Variants in CAPZB observed in about 807,000 individuals in gnomAD.
CAPZB encodes the protein F-actin-capping protein subunit beta.
CAPZB carries 2 observed loss-of-function variants against 38.1 expected under a neutral mutation model. The ratio of observed to expected loss-of-function variants is 0.05; its 90% CI spans 0.02 to 0.17. The LOEUF (loss-of-function observed/expected upper bound fraction) is 0.17. Ranked by LOEUF, CAPZB falls within the 10% of genes least tolerant of loss-of-function variation. CAPZB has a pLI of 1.00. For synonymous variants in CAPZB, 107 were observed against 127.4 expected (o/e 0.84, Z 1.08); for missense variants, 161 against 334.2 (o/e 0.48, Z 4.04).
At chr1:19,379,184 C>T (rs947330573) in intron 3 of CAPZB, among the ~76,000 whole-genome samples, 29 of 151,698 alleles carry the variant, frequency 1.9e-4, no homozygotes, top group African/African-American at 5.6e-4. Flanking sequence ...CCACAACCTC[C>T]GCCTCCTGGG....
At chr1:19,408,749 C>G (rs2094344535) in intron 2 of CAPZB, among the ~76,000 whole-genome samples, 1 of 152,228 alleles carries the variant, frequency 6.6e-6, no homozygotes, top group Non-Finnish European at 1.5e-5. Context: ...GACCCAAAGA[C>G]CTGCAATTCC....
intron 4 of CAPZB, 128 bp downstream of exon 4, chr1:19,378,412 C>T: frequency 1.5e-6 from 1 of 653,360 alleles, no homozygotes. Context: ...AGGGAGAATG[C>T]TTGGCCGGGT....
At chr1:19,480,068 C>G (rs553991292) in intron 1 of CAPZB, among the ~76,000 whole-genome samples, 1 of 152,266 alleles carries the variant, frequency 6.6e-6, no homozygotes, top group Non-Finnish European at 1.5e-5. Context: ...GGGGGAAATG[C>G]AAGCCAGGCC....
intron 6 of CAPZB, among the ~76,000 whole-genome samples, chr1:19,349,720 C>T (rs1277147236): frequency 2.0e-5 from 3 of 152,124 alleles, no homozygotes; most frequent in South Asian, 2.1e-4. Flanking sequence ...AGAACACAGG[C>T]CCCCTCAGCC....
rs180687986 is a variant in CAPZB at position 19,463,340 on chromosome 1, G to C, written c.3+22096C>G. On this transcript the variant is annotated intron_variant, in intron 1 of 8. Transcript: ENST00000264202. ...AACTGAGCATTCTTTAACACAGTTC[G>C]GCAACCGCTGGCCAAGCCTCACTTA... Among the ~76,000 whole-genome samples, 129 of 152,194 alleles carry C rather than the reference G, an allele frequency of 8.5e-4. 1 individual carries two copies. The highest frequency in any genetic ancestry group is 1.6e-4 in the Non-Finnish European group (11 of 68,008).
intron 1 of CAPZB, among the ~76,000 whole-genome samples, chr1:19,479,197 G>A (rs762211888): frequency 2.6e-5 from 4 of 152,132 alleles, no homozygotes; most frequent in South Asian, 2.1e-4. Context: ...GTGGCAGAGC[G>A]AGACTCTGTC....
intron 1 of CAPZB, among the ~76,000 whole-genome samples, chr1:19,420,790 T>C (rs936549537): frequency 2.6e-5 from 4 of 152,122 alleles, no homozygotes; most frequent in Non-Finnish European, 4.4e-5. Context: ...ACAGTACATA[T>C]GCTGCAAATA....
At chr1:19,459,079 G>A (rs1389448979) in intron 1 of CAPZB, among the ~76,000 whole-genome samples, 1 of 152,216 alleles carries the variant, frequency 6.6e-6, no homozygotes, top group Non-Finnish European at 1.5e-5. Flanking sequence ...CCTCCCGCCT[G>A]CCTGCCCTTC....
chr1:19,424,136 C>T (rs1006844277), intron 1 of CAPZB, among the ~76,000 whole-genome samples: 2 of 152,062 alleles, frequency 1.3e-5, no homozygotes, highest in African/African-American at 4.8e-5. Context: ...TATTTAGACA[C>T]GTGTTTTAGA....
chr1:19,385,456 G>A (rs1489673955), intron 3 of CAPZB, 49 bp downstream of exon 3: 5 of 1,608,594 alleles, frequency 3.1e-6, no homozygotes, highest in East Asian at 2.2e-5. Context: ...ACCTACGGCA[G>A]CCCGCGTGTG....
chr1:19,439,824 C>T (rs1368442120), intron 1 of CAPZB, among the ~76,000 whole-genome samples: 5 of 152,110 alleles, frequency 3.3e-5, no homozygotes, highest in Admixed American at 3.3e-4. Flanking sequence ...TAGGCGCCAA[C>T]CATTTCAGAA....
At chr1:19,419,262 T>G (rs2094392135) in intron 2 of CAPZB, among the ~76,000 whole-genome samples, 1 of 152,220 alleles carries the variant, frequency 6.6e-6, no homozygotes, top group Non-Finnish European at 1.5e-5. Flanking sequence ...GGTAGACGCT[T>G]GTACTGTGTT....
At chr1:19,478,115 A>G (rs1323929210) in intron 1 of CAPZB, among the ~76,000 whole-genome samples, 3 of 152,180 alleles carry the variant, frequency 2.0e-5, no homozygotes, top group Non-Finnish European at 2.9e-5. Context: ...CCAAGCTGCA[A>G]TGTGGTAAGA....
At chr1:19,382,740 C>T (rs1192726102) in intron 3 of CAPZB, among the ~76,000 whole-genome samples, 1 of 152,278 alleles carries the variant, frequency 6.6e-6, no homozygotes, top group East Asian at 1.9e-4. Context: ...GACATGATCC[C>T]GTCCTTCCAC....
intron 3 of CAPZB, among the ~76,000 whole-genome samples, chr1:19,382,018 C>T (rs1478677297): frequency 1.3e-5 from 2 of 152,138 alleles, no homozygotes; most frequent in African/African-American, 4.8e-5. Flanking sequence ...CTTTGAGACT[C>T]TGCAGCACAC....
chr1:19,398,458 T>C (rs530056230), intron 2 of CAPZB, among the ~76,000 whole-genome samples: 1 of 152,320 alleles, frequency 6.6e-6, no homozygotes, highest in Admixed American at 6.5e-5. Flanking sequence ...TGACCTACCA[T>C]GATTCCAGTA....
chr1:19,449,115 T>A, intron 1 of CAPZB: 2 of 1,414,292 alleles, frequency 1.4e-6, no homozygotes, highest in South Asian at 3.0e-5. Flanking sequence ...AGCAGTTCCA[T>A]TGCCACAAAA....
intron 1 of CAPZB, among the ~76,000 whole-genome samples, chr1:19,433,731 T>A (rs1292909944): frequency 6.6e-6 from 1 of 152,236 alleles, no homozygotes; most frequent in East Asian, 1.9e-4. Context: ...AACACAGTGC[T>A]TATTGATCCA....
rs756441996 is a variant in CAPZB at position 19,338,963 on chromosome 1, A to AC, written c.*566dup. Reference sequence around the variant, plus strand: ...CCGGAAGAGCGGAACGGTCGGCGGCACCCCCCCCAGCCCCCACCCCGCGGC... The same window carrying AC: ...CCGGAAGAGCGGAACGGTCGGCGGCACCCCCCCCCAGCCCCCACCCCGCGGC... On this transcript the variant is annotated 3_prime_UTR_variant, in exon 9 of 9. Transcript: ENST00000264202. 730 of 126,260 alleles carry AC rather than the reference A, an allele frequency of 5.8e-3. 2 individuals carry two copies. Among genetic ancestry groups the AC allele is most frequent in the Non-Finnish European group, 8.8e-3 (478 of 54,296 alleles). The allele number at this position is 126,260 out of a possible 1,614,324, so 7.8% of individuals were successfully genotyped here.
Sources: gnomAD v4.1 joint callset for allele counts (sites outside exome capture counted in the v4.1 genomes callset) on GRCh38, gnomAD v4.1.1 for gene constraint, MANE v1.5 for transcripts, NCBI Gene and HGNC (gene_info 2026-07-23, HGNC 2026-07-21) for gene names.